The following EMC7 variants were observed in gnomAD, a reference collection of about 807,000 sequenced individuals.
EMC7 encodes the protein ER membrane protein complex subunit 7, also known as endoplasmic reticulum membrane protein complex subunit 7.
Under a neutral mutation model 24.4 loss-of-function variants are expected in EMC7, and 4 were observed. The ratio of observed to expected loss-of-function variants is 0.16; its 90% CI spans 0.08 to 0.38. EMC7 has a LOEUF of 0.38. Ranked by LOEUF, EMC7 falls within the 10% of genes least tolerant of loss-of-function variation. EMC7 has a pLI of 1.00. For missense variants in EMC7, 221 were observed against 300.6 expected, an observed-to-expected ratio of 0.74 and a Z score of 1.96; for synonymous variants, 106 against 112.0, an observed-to-expected ratio of 0.95 and a Z score of 0.34.
intron 1 of EMC7, among the ~76,000 whole-genome samples, chr15:34,098,891 A>G (rs1901130490): frequency 6.7e-6 from 1 of 150,140 alleles, no homozygotes; most frequent in Non-Finnish European, 1.5e-5. Context: ...TCCTAAGGTA[A>G]ATATTTTACT....
Position 34,084,348 on chromosome 15 carries a change from C to T in EMC7, c.715G>A (p.Gly239Ser), listed in dbSNP as rs1260359087. ...GSSKTGKSGA[G>S]KRR ...GGACGGCCTGACTACCTCCTTTTGC[C>T]AGCCCCACTTTTGCCTGTTTTACTG... Residue 239 changes from glycine (G) to serine (S), a missense_variant, in exon 5 of 5, where the codon GGC becomes AGC. By Grantham distance (56) the Gly-to-Ser change is moderately conservative. Transcript: ENST00000256545. 1 of 1,613,340 alleles carries T rather than the reference C, an allele frequency of 6.2e-7. No individual in the cohort carries two copies. Among genetic ancestry groups the T allele is most frequent in the South Asian group, 1.1e-5 (1 of 91,022 alleles).
At chr15:34,086,288 C>T (rs1183649919) in intron 4 of EMC7, 2 of 277,070 alleles carry the variant, frequency 7.2e-6, no homozygotes, top group African/African-American at 4.5e-5. Context: ...TGATCTTGGG[C>T]TTCACAAAGG....
intron 4 of EMC7, among the ~76,000 whole-genome samples, chr15:34,086,891 A>T (rs1427679918): frequency 2.0e-5 from 3 of 152,246 alleles, no homozygotes; most frequent in African/African-American, 7.2e-5. Flanking sequence ...AAATATCAAA[A>T]ACCTTTCTTT....
rs553769836 is a variant in EMC7 at position 34,097,039 on chromosome 15, C to CTTTTTTTTTTTTTTTT, written c.237-1026_237-1025insAAAAAAAAAAAAAAAA. ...CAATTTTTGGTTTTCTGTTCTTCTT[C>CTTTTTTTTTTTTTTTT]TTTTTTTTTTTTGAGACGGAGTCTC... is the stretch of plus-strand genomic sequence containing the variant. On this transcript the variant is annotated intron_variant, in intron 1 of 4. Transcript: ENST00000256545. Among the ~76,000 whole-genome samples the CTTTTTTTTTTTTTTTT allele has an allele frequency of 5.7e-3, 556 of 97,594 alleles. 28 individuals are homozygous for CTTTTTTTTTTTTTTTT. Among genetic ancestry groups the CTTTTTTTTTTTTTTTT allele is most frequent in the African/African-American group, 0.01 (252 of 24,982 alleles). 64.0% of individuals were successfully genotyped at this position (97,594 alleles called of 152,430 possible). A position where few individuals can be genotyped will look rare whatever the true frequency, so the allele number is the denominator to read the frequency against.
At position 34,094,441 on chromosome 15, in the gene EMC7, A is replaced by G. The variant is rs371705040; in HGVS notation, c.356+1454T>C. Among the ~76,000 whole-genome samples, 86 of 152,238 alleles carry G rather than the reference A, an allele frequency of 5.6e-4. No homozygotes were observed. In the East Asian group the frequency reaches 0.01, roughly 18 times the overall value. On this transcript the variant is annotated intron_variant, in intron 2 of 4. Transcript: ENST00000256545. The stretch of plus-strand genomic sequence containing the variant: ...TCCCAGCTACTTAGGAGGCTGAGGC[A>G]GAAGAATTGCTTGAACCCAGGAGGC...
intron 1 of EMC7, among the ~76,000 whole-genome samples, chr15:34,098,722 G>A (rs1901125058): frequency 6.6e-6 from 1 of 150,740 alleles, no homozygotes; most frequent in Non-Finnish European, 1.5e-5. Flanking sequence ...GCCTGCCTCG[G>A]CCTCCCAAAG....
At chr15:34,101,497 T>G in intron 1 of EMC7, 107 bp downstream of exon 1, 1 of 1,212,320 alleles carries the variant, frequency 8.2e-7, no homozygotes, top group Non-Finnish European at 1.2e-6. Flanking sequence ...ACCCTCCCCT[T>G]CAGTCTGAGA....
At chr15:34,098,671 G>A (rs1410575948) in intron 1 of EMC7, among the ~76,000 whole-genome samples, 47 of 123,460 alleles carry the variant, frequency 3.8e-4, no homozygotes, top group African/African-American at 1.4e-3. Context: ...GTTTTTCCAT[G>A]TTGGCCAGGC....
At chr15:34,086,879 T>C (rs1481058986) in intron 4 of EMC7, among the ~76,000 whole-genome samples, 1 of 152,264 alleles carries the variant, frequency 6.6e-6, no homozygotes, top group Non-Finnish European at 1.5e-5. Flanking sequence ...TAAAACATTT[T>C]GAAATATCAA....
chr15:34,091,369 T>C (rs1900971182), intron 2 of EMC7, among the ~76,000 whole-genome samples: 2 of 152,232 alleles, frequency 1.3e-5, no homozygotes, highest in Non-Finnish European at 2.9e-5. Context: ...GGGTTCTTTG[T>C]AAGTTTAGTA....
In EMC7 at chr15:34,095,826, C is replaced by T. The variant is rs1597405871; in HGVS notation, c.356+69G>A. On this transcript the variant is annotated intron_variant, in intron 2 of 4. Coordinates refer to ENST00000256545, the MANE Select transcript of EMC7 (RefSeq NM_020154.3). Reference sequence around the variant, plus strand: ...GAATTTTCCATCTAAACTATTAATTCTAAAAGGAATATATACTAAGGTATT... The same window carrying T: ...GAATTTTCCATCTAAACTATTAATTTTAAAAGGAATATATACTAAGGTATT... 12 of 1,358,256 alleles carry T rather than the reference C, an allele frequency of 8.8e-6. No individual in the cohort carries two copies. In the East Asian group the frequency reaches 3.0e-4, roughly 35 times the overall value. The allele number at this position is 1,358,256 out of a possible 1,614,324, so 84.1% of individuals were successfully genotyped here.
intron 2 of EMC7, among the ~76,000 whole-genome samples, chr15:34,092,149 C>G (rs938476498): frequency 6.6e-6 from 1 of 151,850 alleles, no homozygotes; most frequent in Non-Finnish European, 1.5e-5. Flanking sequence ...CCTGTAATCC[C>G]AGCTACTTGG....
chr15:34,095,841 A>T, intron 2 of EMC7, 54 bp downstream of exon 2: 1 of 1,533,472 alleles, frequency 6.5e-7, no homozygotes, highest in Non-Finnish European at 8.9e-7. Flanking sequence ...AGGAATATAT[A>T]CTAAGGTATT....
In EMC7 at chr15:34,084,157, CT is replaced by C. The variant is rs1346625532; in HGVS notation, c.*176del. On this transcript the variant is annotated 3_prime_UTR_variant, in exon 5 of 5. Transcript: ENST00000256545. ...ACCTCATACAGACAAAAGATGAAAG[CT>C]GGGTTTTCTCGTGTACCAAGTACAA... The C allele has an allele frequency of 1.0e-5, 7 of 678,014 alleles. No individual in the cohort carries two copies. The highest frequency in any genetic ancestry group is 1.4e-5 in the Non-Finnish European group (6 of 429,462). The allele number at this position is 678,014 out of a possible 1,614,324, so 42.0% of individuals were successfully genotyped here.
chr15:34,101,790 A>G lies in EMC7; in HGVS notation c.50T>C (p.Leu17Pro), dbSNP rs1360652573. 6.3e-7 allele frequency: 1 copy of G among 1,590,516 alleles called. No homozygotes were observed. The highest frequency in any genetic ancestry group is 1.1e-5 in the South Asian group (1 of 88,778). The change falls in exon 1 of 5, where the codon CTA becomes CCA. Residue 17 changes from leucine to proline, a missense_variant. Leu to Pro is a moderately conservative substitution (Grantham distance 98). Transcript: ENST00000256545. Reference protein sequence around the residue: ...GFFPVLLLLLLSGDVQSSEVP... With the variant: ...GFFPVLLLLLPSGDVQSSEVP... ...CTCCGAGCTCTGGACATCCCCCGAT[A>G]GCAGCAGCAGCAGCAGGACGGGAAA... is the stretch of plus-strand genomic sequence containing the variant.
chr15:34,094,720 C>A (rs1901037170), intron 2 of EMC7, among the ~76,000 whole-genome samples: 1 of 151,770 alleles, frequency 6.6e-6, no homozygotes, highest in African/African-American at 2.4e-5. Context: ...AAAGAATATT[C>A]TCTTGATAAC....
In EMC7 at chr15:34,090,465, C is replaced by G; in HGVS notation, c.357-10G>C. 2 of 1,601,580 alleles carry G rather than the reference C, an allele frequency of 1.2e-6. No individual in the cohort carries two copies. Among genetic ancestry groups the G allele is most frequent in the Non-Finnish European group, 1.7e-6 (2 of 1,174,934 alleles). ...ATTCACATATCTTGCTCTGATAAAG[C>G]AACATGGGGAAAGCAACAGTAATTC... is the stretch of plus-strand genomic sequence containing the variant. On this transcript the variant is annotated splice_polypyrimidine_tract_variant and intron_variant, in intron 2 of 4. Coordinates refer to ENST00000256545, the MANE Select transcript of EMC7 (RefSeq NM_020154.3).
chr15:34,099,519 G>A (rs367697035), intron 1 of EMC7, among the ~76,000 whole-genome samples: 2 of 152,306 alleles, frequency 1.3e-5, no homozygotes, highest in East Asian at 3.9e-4. Flanking sequence ...CTGTGTGCTA[G>A]TTATGCAAAA....
At chr15:34,088,464 T>C (rs1399973415) in intron 3 of EMC7, among the ~76,000 whole-genome samples, 2 of 94,868 alleles carry the variant, frequency 2.1e-5, no homozygotes, top group Non-Finnish European at 4.0e-5. Flanking sequence ...GAACTATCTA[T>C]TCCCTTTTTT....
Sources: allele counts gnomAD v4.1 joint callset (sites outside exome capture counted in the v4.1 genomes callset), GRCh38; gene constraint gnomAD v4.1.1; transcripts MANE v1.5; gene names NCBI Gene and HGNC (gene_info 2026-07-23, HGNC 2026-07-21).